Variants in CPSF3 observed in about 807,000 individuals in gnomAD.
CPSF3 encodes cleavage and polyadenylation specificity factor subunit 3.
CPSF3 carries 57 observed loss-of-function variants against 84.1 expected under a neutral mutation model. That is an observed-to-expected ratio of 0.68 (90% CI 0.55 to 0.85). The LOEUF (loss-of-function observed/expected upper bound fraction) is 0.85. Among genes scored for constraint, CPSF3 ranks in the 40% least tolerant of loss-of-function variants. CPSF3 has a pLI of 0.00. For synonymous variants in CPSF3, 275 were observed against 278.1 expected (o/e 0.99, Z 0.11); for missense variants, 522 against 838.8 (o/e 0.62, Z 4.66).
intron 10 of CPSF3, among the ~76,000 whole-genome samples, chr2:9,447,297 T>C (rs1250948123): frequency 6.6e-6 from 1 of 151,460 alleles, no homozygotes; most frequent in Non-Finnish European, 1.5e-5. Flanking sequence ...TTGGGCAATA[T>C]GTGAGACCGT....
chr2:9,428,747 C>T lies in CPSF3; in HGVS notation c.51-18C>T, dbSNP rs1428322655. 2 of 1,571,432 alleles carry T rather than the reference C, an allele frequency of 1.3e-6. No individual in the cohort carries two copies. Among genetic ancestry groups the T allele is most frequent in the Non-Finnish European group, 8.7e-7 (1 of 1,143,762 alleles). The stretch of plus-strand genomic sequence containing the variant: ...GATTTTTTTTAATCCTTCTTTTTCT[C>T]CCCTTGAATATTTACAGTGGAGCTG... On this transcript the variant is annotated intron_variant, in intron 1 of 17. Transcript: ENST00000238112.
chr2:9,459,154 C>T (rs568082697), intron 14 of CPSF3, among the ~76,000 whole-genome samples: 2 of 151,996 alleles, frequency 1.3e-5, no homozygotes, highest in South Asian at 4.2e-4. Flanking sequence ...TGTCTGTAGT[C>T]ATATACTATA....
At chr2:9,472,780 C>G in intron 17 of CPSF3, 136 bp from the exon 18 acceptor site, 1 of 693,344 alleles carries the variant, frequency 1.4e-6, no homozygotes. Flanking sequence ...AGACTCTTAT[C>G]TGGGACCACA....
intron 11 of CPSF3, among the ~76,000 whole-genome samples, chr2:9,451,073 GAAA>G (rs911217312): frequency 1.3e-5 from 2 of 151,292 alleles, no homozygotes; most frequent in African/African-American, 2.4e-5. Flanking sequence ...TATGTGGGGA[GAAA>G]AAAAAAGTTT....
intron 1 of CPSF3, chr2:9,425,002 A>G (rs1680324597): frequency 6.6e-6 from 1 of 152,244 alleles, no homozygotes; most frequent in South Asian, 2.1e-4. Context: ...GAACGCAGGC[A>G]GGCATTGCAC....
chr2:9,469,722 G>A (rs1682098063), intron 16 of CPSF3, among the ~76,000 whole-genome samples: 1 of 152,078 alleles, frequency 6.6e-6, no homozygotes, highest in African/African-American at 2.4e-5. Flanking sequence ...CTTCCATTCG[G>A]CCAGGAATGG....
intron 15 of CPSF3, among the ~76,000 whole-genome samples, chr2:9,466,628 A>G (rs1681992297): frequency 6.6e-6 from 1 of 152,196 alleles, no homozygotes; most frequent in South Asian, 2.1e-4. Flanking sequence ...CACACCTCCG[A>G]AAAGGAACCC....
intron 15 of CPSF3, among the ~76,000 whole-genome samples, chr2:9,466,376 G>C (rs1010247394): frequency 8.2e-6 from 1 of 122,560 alleles, no homozygotes. Context: ...ACACACCCAC[G>C]CACTCGCACA....
At chr2:9,430,095 G>A in intron 3 of CPSF3, 75 bp downstream of exon 3, 1 of 935,738 alleles carries the variant, frequency 1.1e-6, no homozygotes, top group African/African-American at 1.7e-5. Context: ...TAGATTTTGA[G>A]AGTTTGGTTT....
At chr2:9,440,773 T>G (rs748359313) in intron 8 of CPSF3, 107 bp downstream of exon 8, 4 of 1,141,192 alleles carry the variant, frequency 3.5e-6, no homozygotes, top group Non-Finnish European at 5.1e-6. Context: ...TTTAGCACTT[T>G]GGGAGTCTAA....
intron 3 of CPSF3, 106 bp from the exon 4 acceptor site, chr2:9,430,646 A>G (rs1434865003): frequency 2.0e-6 from 2 of 1,015,054 alleles, no homozygotes; most frequent in African/African-American, 1.6e-5. Context: ...GTATCAGCAC[A>G]TAGTTGTTTA....
At position 9,471,462 on chromosome 2, in the gene CPSF3, G is replaced by A. The variant is rs192691108; in HGVS notation, c.1953+23G>A. On this transcript the variant is annotated intron_variant, in intron 17 of 17. Transcript: ENST00000238112. ...CGGGTATGTAGCTGCTCTTTCCTAC[G>A]TTTCAAGACATTTGGGAAATAAAGT... 2,372 of 1,380,954 alleles carry A rather than the reference G, an allele frequency of 1.7e-3. 59 individuals carry two copies. In the Admixed American group the frequency reaches 0.036, roughly 21 times the overall value. 85.5% of individuals were successfully genotyped at this position (1,380,954 alleles called of 1,614,324 possible).
At chr2:9,459,438 T>C in intron 14 of CPSF3, 93 bp from the exon 15 acceptor site, 1 of 778,556 alleles carries the variant, frequency 1.3e-6, no homozygotes, top group Non-Finnish European at 2.3e-6. Context: ...TAGTTCCATA[T>C]GTACAGTCCA....
chr2:9,423,705 C>A lies in CPSF3; in HGVS notation c.-69C>A. The A allele has an allele frequency of 6.3e-7, 1 of 1,577,854 alleles. No individual in the cohort carries two copies. The highest frequency in any genetic ancestry group is 8.6e-7 in the Non-Finnish European group (1 of 1,157,564). On this transcript the variant is annotated 5_prime_UTR_variant, in exon 1 of 18. The change creates a new upstream start codon in the 5' untranslated region. Coordinates refer to ENST00000238112, the MANE Select transcript of CPSF3 (RefSeq NM_016207.4). ...TTCTTCCTTTTTTATTTACCGGTGG[C>A]TGTGCTTCCAATTTAGGAAGACCCC...
At chr2:9,449,749 TAAAA>T (rs750427679) in intron 11 of CPSF3, among the ~76,000 whole-genome samples, 2 of 151,828 alleles carry the variant, frequency 1.3e-5, no homozygotes, top group Non-Finnish European at 2.9e-5. Flanking sequence ...CTCAAAAAAA[TAAAA>T]AAAGAATTAA....
In CPSF3 at chr2:9,456,953, A is replaced by G. The variant is rs1235449617; in HGVS notation, c.1624A>G (p.Ile542Val). 6.3e-7 allele frequency: 1 copy of G among 1,596,630 alleles called. No homozygotes were observed. Among genetic ancestry groups the G allele is most frequent in the Non-Finnish European group, 8.6e-7 (1 of 1,168,606 alleles). The change falls in exon 14 of 18, where the codon ATT (isoleucine) becomes GTT (valine). Residue 542 changes from isoleucine to valine, a missense_variant. Coordinates refer to ENST00000238112, the MANE Select transcript of CPSF3 (RefSeq NM_016207.4). ...TTCAGGTGATGTGGAAGAATTAGAA[A>G]TTCAAGAAAAACCTGCTCTGAAAGT... ...KLTGDVEELE[I>V]QEKPALKVFK...
At chr2:9,451,842 G>T (rs894755935) in intron 11 of CPSF3, among the ~76,000 whole-genome samples, 14 of 149,966 alleles carry the variant, frequency 9.3e-5, no homozygotes, top group Admixed American at 6.0e-4. Context: ...TCAGCCTCCC[G>T]AGTAGCTGGG....
intron 4 of CPSF3, among the ~76,000 whole-genome samples, chr2:9,431,416 A>T (rs1179842575): frequency 6.6e-6 from 1 of 152,100 alleles, no homozygotes; most frequent in African/African-American, 2.4e-5. Context: ...TGGAAGAGTT[A>T]TGCTTAATTG....
chr2:9,472,606 T>C (rs910101690), intron 17 of CPSF3, among the ~76,000 whole-genome samples: 2 of 152,178 alleles, frequency 1.3e-5, no homozygotes, highest in African/African-American at 4.8e-5. Flanking sequence ...GCGGCCGTTC[T>C]GTTTCATGGT....
Sources: allele counts gnomAD v4.1 joint callset (sites outside exome capture counted in the v4.1 genomes callset), GRCh38; gene constraint gnomAD v4.1.1; transcripts MANE v1.5; gene names NCBI Gene and HGNC (gene_info 2026-07-23, HGNC 2026-07-21).